Variants in CAMLG observed in about 807,000 individuals in gnomAD.
CAMLG encodes calcium modulating ligand.
A neutral mutation model predicts 28.9 loss-of-function variants in CAMLG; 23 were observed. That is an observed-to-expected ratio of 0.80 (90% CI 0.57 to 1.13). The LOEUF (loss-of-function observed/expected upper bound fraction) is 1.13. Among genes scored for constraint, CAMLG ranks in the 50% most tolerant of loss-of-function variants. CAMLG has a pLI of 0.00. For missense variants in CAMLG, 367 were observed against 371.9 expected (o/e 0.99, Z 0.11); for synonymous variants, 141 against 146.5 (o/e 0.96, Z 0.27).
At position 134,750,881 on chromosome 5, in the gene CAMLG, C is replaced by T; in HGVS notation, c.822C>T (p.Leu274=). 6.2e-7 allele frequency: 1 copy of T among 1,613,796 alleles called. No homozygotes were observed. The highest frequency in any genetic ancestry group is 8.5e-7 in the Non-Finnish European group (1 of 1,179,948). The change falls in exon 4 of 4, where the codon CTC becomes CTT. Residue 274 remains leucine, a synonymous_variant. Coordinates refer to ENST00000297156, the MANE Select transcript of CAMLG (RefSeq NM_001745.4). ...YSKMGEVFTD[L]CVYFFTFIFC... The stretch of plus-strand genomic sequence containing the variant: ...AAATGGGCGAAGTCTTCACAGATCT[C>T]TGTGTCTACTTTTTCACTTTTATCT...
chr5:134,742,974 A>G lies in CAMLG; in HGVS notation c.634-1013A>G, dbSNP rs918429922. ...AGGATGGTCTCCATCTCCTGACCTC[A>G]TGATCCACCCAACTCTGCCTCCCAA... is the stretch of plus-strand genomic sequence containing the variant. On this transcript the variant is annotated intron_variant, in intron 2 of 3. Coordinates refer to ENST00000297156, the MANE Select transcript of CAMLG (RefSeq NM_001745.4). 5.3e-5 allele frequency among the ~76,000 whole-genome samples: 8 copies of G among 152,098 alleles called. 1 individual carries two copies. The South Asian group carries it at 1.2e-3, about 24-fold the overall frequency.
rs185501181 is a variant in CAMLG at position 134,741,716 on chromosome 5, A to G, written c.633+193A>G. On this transcript the variant is annotated intron_variant, in intron 2 of 3. Coordinates refer to ENST00000297156, the MANE Select transcript of CAMLG (RefSeq NM_001745.4). ...GTGTTCTGGTTAAATACAGAGCCTA[A>G]TAATTACTGTTGGCCCTCCATATCA... Among the ~76,000 whole-genome samples, 561 of 152,340 alleles carry G rather than the reference A, an allele frequency of 3.7e-3. 3 individuals are homozygous for G. Among genetic ancestry groups the G allele is most frequent in the African/African-American group, 0.013 (537 of 41,576 alleles).
intron 1 of CAMLG, among the ~76,000 whole-genome samples, chr5:134,740,744 G>T (rs1343045940): frequency 6.6e-6 from 1 of 151,972 alleles, no homozygotes; most frequent in Non-Finnish European, 1.5e-5. Flanking sequence ...TAGGCAGCTG[G>T]GACTACAGAC....
intron 3 of CAMLG, among the ~76,000 whole-genome samples, chr5:134,750,485 C>A (rs926091290): frequency 6.6e-6 from 1 of 151,938 alleles, no homozygotes; most frequent in Non-Finnish European, 1.5e-5. Context: ...TTGCAGTGAG[C>A]CGAGATCGTG....
At chr5:134,741,838 TG>T (rs879828591) in intron 2 of CAMLG, among the ~76,000 whole-genome samples, 1 of 152,070 alleles carries the variant, frequency 6.6e-6, no homozygotes, top group Non-Finnish European at 1.5e-5. Flanking sequence ...CCCAGTTACT[TG>T]GGAGGCTGAG....
intron 2 of CAMLG, among the ~76,000 whole-genome samples, chr5:134,741,754 C>T (rs1253927046): frequency 6.6e-6 from 1 of 152,172 alleles, no homozygotes. Flanking sequence ...TGGTTCTGCA[C>T]CCTATGTGGA....
intron 1 of CAMLG, among the ~76,000 whole-genome samples, chr5:134,740,116 C>T (rs1428659700): frequency 6.6e-6 from 1 of 152,146 alleles, no homozygotes; most frequent in Non-Finnish European, 1.5e-5. Context: ...AACTTCTGGG[C>T]TCAAGTGATC....
Position 134,742,120 on chromosome 5 carries a change from G to A in CAMLG, c.633+597G>A, listed in dbSNP as rs114210369. On this transcript the variant is annotated intron_variant, in intron 2 of 3. Transcript: ENST00000297156. ...GTGAGTAGGTTATATTTACTGTGCC[G>A]TTTTACATAAGGGACTTGAGCATCT... 3.5e-3 allele frequency among the ~76,000 whole-genome samples: 535 copies of A among 152,250 alleles called. 3 individuals are homozygous for A. The highest frequency in any genetic ancestry group is 0.012 in the African/African-American group (493 of 41,530).
chr5:134,742,428 T>C (rs1035469123), intron 2 of CAMLG, among the ~76,000 whole-genome samples: 7 of 152,186 alleles, frequency 4.6e-5, no homozygotes, highest in Non-Finnish European at 8.8e-5. Flanking sequence ...GCTTTACATA[T>C]ATATACTGTA....
chr5:134,738,664 G>A lies in CAMLG; in HGVS notation c.44G>A (p.Gly15Glu), dbSNP rs1252332957. 1.2e-6 allele frequency: 2 copies of A among 1,613,328 alleles called. No individual in the cohort carries two copies. The highest frequency in any genetic ancestry group is 2.7e-5 in the African/African-American group (2 of 74,922). ...GCTACCGACGGCGGGGAGAGGCCGG[G>A]GGTCCCAGCGGGCTCAGGTCTGTCG... The part of the protein sequence containing the change: ...AVATDGGERP[G>E]VPAGSGLSAS... The change falls in exon 1 of 4, where the codon GGG becomes GAG. Residue 15 changes from glycine to glutamate, a missense_variant. Physicochemically the swap from Gly to Glu is moderately conservative, Grantham distance 98. Transcript: ENST00000297156.
intron 1 of CAMLG, 148 bp downstream of exon 1, chr5:134,738,940 C>G (rs1752952331): frequency 1.3e-6 from 1 of 777,902 alleles, no homozygotes; most frequent in Admixed American, 2.9e-5. Context: ...GGTGATATCC[C>G]AAGTTCTCAT....
Position 134,738,721 on chromosome 5 carries a change from G to A in CAMLG, c.101G>A (p.Arg34Lys), listed in dbSNP as rs1304563808. 4.3e-6 allele frequency: 7 copies of A among 1,613,936 alleles called. No individual in the cohort carries two copies. Among genetic ancestry groups the A allele is most frequent in the Non-Finnish European group, 4.2e-6 (5 of 1,179,968 alleles). ...CAGCGTCGGGCGGAGCTGCGTCGGA[G>A]AAAGCTGCTCATGAACTCGGAACAG... ...ASQRRAELRRRKLLMNSEQRI... is the reference protein window; with the variant it reads ...ASQRRAELRRKKLLMNSEQRI... The change falls in exon 1 of 4, where the codon AGA becomes AAA. Residue 34 changes from arginine (R) to lysine (K), a missense_variant. Arg to Lys is a conservative substitution (Grantham distance 26). Transcript: ENST00000297156.
At chr5:134,739,937 A>G (rs898668194) in intron 1 of CAMLG, among the ~76,000 whole-genome samples, 1 of 152,112 alleles carries the variant, frequency 6.6e-6, no homozygotes, top group African/African-American at 2.4e-5. Flanking sequence ...GTGCAGTGGC[A>G]TGATCATAGC....
At chr5:134,750,636 T>G in intron 3 of CAMLG, 123 bp from the exon 4 acceptor site, 1 of 624,788 alleles carries the variant, frequency 1.6e-6, no homozygotes. Context: ...CTGATTGTTT[T>G]GAAACATCAT....
intron 3 of CAMLG, among the ~76,000 whole-genome samples, chr5:134,750,557 C>T (rs897918856): frequency 1.3e-5 from 2 of 151,676 alleles, no homozygotes; most frequent in Non-Finnish European, 2.9e-5. Context: ...AAAAGCAAGA[C>T]TGATGTCTGC....
At chr5:134,743,742 T>C (rs749525598) in intron 2 of CAMLG, among the ~76,000 whole-genome samples, 1 of 151,968 alleles carries the variant, frequency 6.6e-6, no homozygotes, top group African/African-American at 2.4e-5. Flanking sequence ...GGCGGGCGCC[T>C]GTAATCCCAT....
intron 3 of CAMLG, among the ~76,000 whole-genome samples, chr5:134,750,493 G>C (rs575477494): frequency 1.3e-5 from 2 of 151,848 alleles, no homozygotes; most frequent in South Asian, 4.2e-4. Flanking sequence ...AGCCGAGATC[G>C]TGCCATTGCA....
intron 3 of CAMLG, among the ~76,000 whole-genome samples, chr5:134,747,358 AT>A (rs143909906): frequency 3.3e-4 from 49 of 146,304 alleles, no homozygotes; most frequent in Non-Finnish European, 2.9e-4. Flanking sequence ...TCTTTAGGTA[AT>A]TTTTTTTTTT....
At position 134,738,553 on chromosome 5, in the gene CAMLG, G is replaced by A. The variant is rs780939456; in HGVS notation, c.-68G>A. The A allele has an allele frequency of 3.1e-4, 426 of 1,360,754 alleles. 1 individual carries two copies. The highest frequency in any genetic ancestry group is 4.1e-4 in the Non-Finnish European group (414 of 1,006,420). The allele number at this position is 1,360,754 out of a possible 1,614,324, so 84.3% of individuals were successfully genotyped here. On this transcript the variant is annotated 5_prime_UTR_variant, in exon 1 of 4. Coordinates refer to ENST00000297156, the MANE Select transcript of CAMLG (RefSeq NM_001745.4). ...CGCGCGCCCTGCGGCCCGGCCTCTA[G>A]TCATCGCCCTCGCAGCGGCGGCCAA...
Sources: gnomAD v4.1 joint callset for allele counts (sites outside exome capture counted in the v4.1 genomes callset) on GRCh38, gnomAD v4.1.1 for gene constraint, MANE v1.5 for transcripts, NCBI Gene and HGNC (gene_info 2026-07-23, HGNC 2026-07-21) for gene names.